PNMA8B: variants seen among roughly 807,000 people sequenced by gnomAD.
PNMA8B encodes the protein paraneoplastic antigen-like protein 8B.
For missense variants in PNMA8B, 887 were observed against 885.8 expected, an observed-to-expected ratio of 1.00 and a Z score of -0.02; for synonymous variants, 386 against 394.9, an observed-to-expected ratio of 0.98 and a Z score of 0.27.
chr19:46,494,951 C>G lies in PNMA8B; in HGVS notation c.515G>C (p.Arg172Thr). ...RGRRNRTRRNRLTQKGKKRSR... is the reference protein window; with the variant it reads ...RGRRNRTRRNTLTQKGKKRSR... ...TCTCTTCTTGCCCTTCTGGGTCAAC[C>G]TGTTGCGTCTGGTTCTGTTTCTGCG... Residue 172 changes from arginine to threonine, a missense_variant, in exon 1 of 1, where the codon AGG becomes ACG. Coordinates refer to ENST00000599531, the MANE Select transcript of PNMA8B (RefSeq NM_020709.3). 3.0e-5 allele frequency: 49 copies of G among 1,609,830 alleles called. No individual in the cohort carries two copies. Among genetic ancestry groups the G allele is most frequent in the Non-Finnish European group, 4.2e-5 (49 of 1,179,822 alleles).
In PNMA8B at chr19:46,495,457, C is replaced by T. The variant is rs1034337062; in HGVS notation, c.9G>A (p.Met3Ile). 4 of 1,600,214 alleles carry T rather than the reference C, an allele frequency of 2.5e-6. No individual in the cohort carries two copies. The highest frequency in any genetic ancestry group is 3.4e-6 in the Non-Finnish European group (4 of 1,169,708). Residue 3 changes from methionine (M) to isoleucine (I), a missense_variant, in exon 1 of 1, where the codon ATG (methionine) becomes ATA (isoleucine). Physicochemically the swap from Met to Ile is conservative, Grantham distance 10. Transcript: ENST00000599531. ...TCCGGCACCAGTCCTGCAAAAGGCT[C>T]ATGGCCATGGTGCAGCCCCCTTGGC... MA[M>I]SLLQDWCRSL...
Position 46,494,842 on chromosome 19 carries a change from C to G in PNMA8B, c.624G>C (p.Glu208Asp). The part of the protein sequence containing the change: ...SDESLGIVIE[E>D]IDQGDLSGEE... ...CTCCGCTCAGGTCGCCCTGGTCGAT[C>G]TCCTCGATCACGATGCCCAGGCTCT... The change falls in exon 1 of 1, where the codon GAG (glutamate) becomes GAC (aspartate). Residue 208 changes from glutamate (E) to aspartate (D), a missense_variant. By Grantham distance (45) the Glu-to-Asp change is conservative (BLOSUM62 2). Transcript: ENST00000599531. 6.2e-7 allele frequency: 1 copy of G among 1,613,420 alleles called. No individual in the cohort carries two copies. The highest frequency in any genetic ancestry group is 8.5e-7 in the Non-Finnish European group (1 of 1,179,894).
Position 46,495,401 on chromosome 19 carries a change from A to G in PNMA8B, c.65T>C (p.Leu22Pro). 7.0e-7 allele frequency: 1 copy of G among 1,422,022 alleles called. No homozygotes were observed. 88.1% of individuals were successfully genotyped at this position (1,422,022 alleles called of 1,614,324 possible). A position where few individuals can be genotyped will look rare whatever the true frequency, so the allele number is the denominator to read the frequency against. The change falls in exon 1 of 1, where the codon CTG becomes CCG. Residue 22 changes from leucine to proline, a missense_variant. By Grantham distance (98) the Leu-to-Pro change is moderately conservative. Coordinates refer to ENST00000599531, the MANE Select transcript of PNMA8B (RefSeq NM_020709.3). ...SLDVDAHRAL[L>P]VTGIPEGLEQ... is the part of the protein sequence containing the mutation. ...CAGGCCCTCCGGGATGCCGGTGACC[A>G]GCAGGGCCCTGTGCGCGTCCACGTC...
In PNMA8B at chr19:46,491,210, A is replaced by C. The variant is rs1363891581; in HGVS notation, c.*2348T>G. On this transcript the variant is annotated 3_prime_UTR_variant, in exon 1 of 1. Coordinates refer to ENST00000599531, the MANE Select transcript of PNMA8B (RefSeq NM_020709.3). ...ACTGAGGACATGCATGTGTATTTTT[A>C]TTTAATCTTAATTACATTTAAATCC... The C allele has an allele frequency of 2.6e-5, 4 of 152,214 alleles. No homozygotes were observed. The highest frequency in any genetic ancestry group is 9.6e-5 in the African/African-American group (4 of 41,458). The allele number at this position is 152,214 out of a possible 1,614,324, so 9.4% of individuals were successfully genotyped here.
Position 46,495,534 on chromosome 19 carries a change from G to A in PNMA8B, c.-69C>T. On this transcript the variant is annotated 5_prime_UTR_variant, in exon 1 of 1. Transcript: ENST00000599531. ...GAGATAGGGGTGGGCTGCAGCGCAC[G>A]GTGTCAATGCAACCCTAGAAAGCCA... The A allele has an allele frequency of 8.6e-6, 13 of 1,510,486 alleles. 1 individual carries two copies. The South Asian group carries it at 1.7e-4, about 20-fold the overall frequency. 93.6% of individuals were successfully genotyped at this position (1,510,486 alleles called of 1,614,324 possible). A position where few individuals can be genotyped will look rare whatever the true frequency, so the allele number is the denominator to read the frequency against.
Position 46,495,030 on chromosome 19 carries a change from G to C in PNMA8B, c.436C>G (p.Gln146Glu), listed in dbSNP as rs1462695608. The C allele has an allele frequency of 6.2e-7, 1 of 1,610,110 alleles. No homozygotes were observed. The highest frequency in any genetic ancestry group is 2.2e-5 in the East Asian group (1 of 44,868). Residue 146 changes from glutamine (Q) to glutamate (E), a missense_variant, in exon 1 of 1, where the codon CAG becomes GAG. Transcript: ENST00000599531. ...QAQDSGEVTG[Q>E]AGSLLGAARN... is the part of the protein sequence containing the mutation. ...GCTGCCCCAAGAAGCGAGCCAGCCTGCCCTGTTACCTCCCCAGAATCCTGG... is the reference window on the plus strand; with the variant it reads ...GCTGCCCCAAGAAGCGAGCCAGCCTCCCCTGTTACCTCCCCAGAATCCTGG...
rs1288766251 is a variant in PNMA8B, at chr19:46,492,608, C to CT, written c.*949dup. The CT allele has an allele frequency of 6.5e-6, 1 of 152,730 alleles. No individual in the cohort carries two copies. The highest frequency in any genetic ancestry group is 1.5e-5 in the Non-Finnish European group (1 of 68,436). 9.5% of individuals were successfully genotyped at this position (152,730 alleles called of 1,614,324 possible). ...GGGGTGAACCCAGGGACTTTCAAGTCTTTTAGTAAGGGCTGCAAGGCCAGC... is the reference window on the plus strand; with the variant it reads ...GGGGTGAACCCAGGGACTTTCAAGTCTTTTTAGTAAGGGCTGCAAGGCCAGC... On this transcript the variant is annotated 3_prime_UTR_variant, in exon 1 of 1. Transcript: ENST00000599531.
rs1377979368 is a variant in PNMA8B at position 46,495,356 on chromosome 19, G to T, written c.110C>A (p.Ala37Asp). 7.8e-7 allele frequency: 1 copy of T among 1,287,392 alleles called. No homozygotes were observed. The highest frequency in any genetic ancestry group is 2.3e-5 in the East Asian group (1 of 43,426). The allele number at this position is 1,287,392 out of a possible 1,614,324, so 79.7% of individuals were successfully genotyped here. The change falls in exon 1 of 1, where the codon GCC becomes GAC. Residue 37 changes from alanine to aspartate, a missense_variant. Ala to Asp is a moderately radical substitution (Grantham distance 126). Coordinates refer to ENST00000599531, the MANE Select transcript of PNMA8B (RefSeq NM_020709.3). ...PEGLEQADVE[A>D]VLQPTLLPLG... ...GGGCAGGAGGGTCGGCTGCAGGACG[G>T]CTTCGACGTCTGCCTGCTCCAGGCC...
rs766440791 is a variant in PNMA8B at position 46,495,473 on chromosome 19, C to G, written c.-8G>C. 1.3e-6 allele frequency: 2 copies of G among 1,591,412 alleles called. No individual in the cohort carries two copies. Among genetic ancestry groups the G allele is most frequent in the East Asian group, 2.2e-5 (1 of 44,452 alleles). ...CAAAAGGCTCATGGCCATGGTGCAG[C>G]CCCCTTGGCGCTGATCTTGGGGCAG... On this transcript the variant is annotated 5_prime_UTR_variant, in exon 1 of 1. Coordinates refer to ENST00000599531, the MANE Select transcript of PNMA8B (RefSeq NM_020709.3).
At position 46,493,784 on chromosome 19, in the gene PNMA8B, C is replaced by A. The variant is rs1970043844; in HGVS notation, c.1682G>T (p.Arg561Leu). 3 of 1,366,046 alleles carry A rather than the reference C, an allele frequency of 2.2e-6. No homozygotes were observed. In the East Asian group the frequency reaches 8.9e-5, roughly 41 times the overall value. 84.6% of individuals were successfully genotyped at this position (1,366,046 alleles called of 1,614,324 possible). A position where few individuals can be genotyped will look rare whatever the true frequency, so the allele number is the denominator to read the frequency against. Residue 561 changes from arginine (R) to leucine (L), a missense_variant, in exon 1 of 1, where the codon CGC becomes CTC. Physicochemically the swap from Arg to Leu is moderately radical, Grantham distance 102 (BLOSUM62 -2). Transcript: ENST00000599531. This position sits in a 1 kb window ranked among gnomAD's most constrained non-coding sequence, Gnocchi z 5.3. ...CCGGCCTCGGCCTCGGCCGCCCGCG[C>A]GGGTTTTGCGGGCCCCGGAAGCGGT... is the stretch of plus-strand genomic sequence containing the variant. ...PPTASGARKT[R>L]AGGRGRGRGV...
Position 46,494,665 on chromosome 19 carries a change from CTCTTCTT to C in PNMA8B, c.794_800del (p.Lys265ArgfsTer14). ...CGGCCCCAGCTGGCTCCTTCTCTGC[CTCTTCTT>C]TCTTCGATTTGTCGGTGACGGTGAC... is the stretch of plus-strand genomic sequence containing the variant. On this transcript the variant is annotated frameshift_variant, in exon 1 of 1. Transcript: ENST00000599531. LOFTEE classifies it low-confidence loss of function (END_TRUNC). The C allele has an allele frequency of 6.2e-7, 1 of 1,614,028 alleles. No individual in the cohort carries two copies. The highest frequency in any genetic ancestry group is 8.5e-7 in the Non-Finnish European group (1 of 1,179,896).
At position 46,494,722 on chromosome 19, in the gene PNMA8B, G is replaced by A; in HGVS notation, c.744C>T (p.Asp248=). 1 of 1,613,982 alleles carries A rather than the reference G, an allele frequency of 6.2e-7. No homozygotes were observed. The highest frequency in any genetic ancestry group is 8.5e-7 in the Non-Finnish European group (1 of 1,179,888). Residue 248 remains aspartate, a synonymous_variant, in exon 1 of 1, where the codon GAC becomes GAT. Transcript: ENST00000599531. ...WAPCNSEGEE[D]GPREFLALVT... is the part of the protein sequence containing the mutation. The stretch of plus-strand genomic sequence containing the variant: ...CCAGAGCCAAGAACTCGCGGGGACC[G>A]TCTTCTTCCCCCTCGGAGTTGCAGG...
At position 46,494,812 on chromosome 19, in the gene PNMA8B, C is replaced by T. The variant is rs751337008; in HGVS notation, c.654G>A (p.Glu218=). 6 of 1,613,534 alleles carry T rather than the reference C, an allele frequency of 3.7e-6. No homozygotes were observed. Among genetic ancestry groups the T allele is most frequent in the Non-Finnish European group, 5.1e-6 (6 of 1,179,848 alleles). The change falls in exon 1 of 1, where the codon GAG becomes GAA. Residue 218 remains glutamate, a synonymous_variant. Coordinates refer to ENST00000599531, the MANE Select transcript of PNMA8B (RefSeq NM_020709.3). ...EIDQGDLSGE[E]DQSALYATLQ... The stretch of plus-strand genomic sequence containing the variant: ...GCGTGGCGTACAGCGCGCTCTGGTC[C>T]TCTTCTCCGCTCAGGTCGCCCTGGT...
chr19:46,494,180 T>G lies in PNMA8B; in HGVS notation c.1286A>C (p.Lys429Thr), dbSNP rs901428062. The G allele has an allele frequency of 3.7e-6, 6 of 1,609,756 alleles. No individual in the cohort carries two copies. The African/African-American group carries it at 8.0e-5, about 21-fold the overall frequency. The change falls in exon 1 of 1, where the codon AAG (lysine) becomes ACG (threonine). Residue 429 changes from lysine to threonine, a missense_variant. Coordinates refer to ENST00000599531, the MANE Select transcript of PNMA8B (RefSeq NM_020709.3). ...GCCCCCGAAGAGGCCACGCCCAGCCTTCTTCGCCTGGGGAGGGAGATCCGG... is the reference window on the plus strand; with the variant it reads ...GCCCCCGAAGAGGCCACGCCCAGCCGTCTTCGCCTGGGGAGGGAGATCCGG... ...AQPDLPPQAKKAGRGLFGGWS... is the reference protein window; with the variant it reads ...AQPDLPPQAKTAGRGLFGGWS...
chr19:46,494,005 T>C lies in PNMA8B; in HGVS notation c.1461A>G (p.Val487=), dbSNP rs982195629. The C allele has an allele frequency of 6.2e-7, 1 of 1,613,478 alleles. No homozygotes were observed. The highest frequency in any genetic ancestry group is 2.2e-5 in the East Asian group (1 of 44,840). The change falls in exon 1 of 1, where the codon GTA becomes GTG. Residue 487 remains valine, a synonymous_variant. Transcript: ENST00000599531. Reference sequence around the variant, plus strand: ...TCTCCCGGGCGGCCAGGAGCGCCAATACCTCCCCCAGTTTGCCTTTGGGGT... The same window carrying C: ...TCTCCCGGGCGGCCAGGAGCGCCAACACCTCCCCCAGTTTGCCTTTGGGGT... ...YKYPKGKLGE[V]LALLAARENM...
Position 46,493,485 on chromosome 19 carries a change from GA to G in PNMA8B, c.*72del. ...TGCGGAGGACAGGAAGAGGGGAGGG[GA>G]GGGCGGGGGCCACAGGCGGGCGGGT... On this transcript the variant is annotated 3_prime_UTR_variant, in exon 1 of 1. Transcript: ENST00000599531. This position sits in a 1 kb window ranked among gnomAD's most constrained non-coding sequence, Gnocchi z 5.3. 1 of 946,056 alleles carries G rather than the reference GA, an allele frequency of 1.1e-6. No individual in the cohort carries two copies. The highest frequency in any genetic ancestry group is 1.4e-6 in the Non-Finnish European group (1 of 710,904). The allele number at this position is 946,056 out of a possible 1,614,324, so 58.6% of individuals were successfully genotyped here.
rs913751532 is a variant in PNMA8B, at chr19:46,493,759, C to T, written c.1707G>A (p.Arg569=). The change falls in exon 1 of 1, where the codon CGG becomes CGA. Residue 569 remains arginine, a synonymous_variant. Transcript: ENST00000599531. This position sits in a 1 kb window ranked among gnomAD's most constrained non-coding sequence, Gnocchi z 5.3. ...KTRAGGRGRG[R]GVTPEKKAGS... Reference sequence around the variant, plus strand: ...CGGCTTTCTTCTCGGGAGTGACGCCCCGGCCTCGGCCTCGGCCGCCCGCGC... The same window carrying T: ...CGGCTTTCTTCTCGGGAGTGACGCCTCGGCCTCGGCCTCGGCCGCCCGCGC... 5 of 1,408,456 alleles carry T rather than the reference C, an allele frequency of 3.5e-6. No homozygotes were observed. The highest frequency in any genetic ancestry group is 4.6e-6 in the Non-Finnish European group (5 of 1,085,652). 87.2% of individuals were successfully genotyped at this position (1,408,456 alleles called of 1,614,324 possible).
chr19:46,495,033 C>T lies in PNMA8B; in HGVS notation c.433G>A (p.Gly145Arg), dbSNP rs148479589. The T allele has an allele frequency of 0.013, 20,987 of 1,610,232 alleles. 246 individuals carry two copies. Among genetic ancestry groups the T allele is most frequent in the Non-Finnish European group, 0.013 (14,953 of 1,179,844 alleles). ...GCCCCAAGAAGCGAGCCAGCCTGCC[C>T]TGTTACCTCCCCAGAATCCTGGGCC... ...TQAQDSGEVTGQAGSLLGAAR... is the reference protein window; with the variant it reads ...TQAQDSGEVTRQAGSLLGAAR... Residue 145 changes from glycine (G) to arginine (R), a missense_variant, in exon 1 of 1, where the codon GGG becomes AGG. Coordinates refer to ENST00000599531, the MANE Select transcript of PNMA8B (RefSeq NM_020709.3).
chr19:46,494,362 C>T lies in PNMA8B; in HGVS notation c.1104G>A (p.Lys368=). The change falls in exon 1 of 1, where the codon AAG becomes AAA. Residue 368 remains lysine (K), a synonymous_variant. Coordinates refer to ENST00000599531, the MANE Select transcript of PNMA8B (RefSeq NM_020709.3). ...ACAAGACCTGTCGGAGGGGGTCTCG[C>T]TTGTCTTTCTCGTCGCTCCAGCCCA... ...ESLGWSDEKD[K]RDPLRQVLSV... 6.2e-7 allele frequency: 1 copy of T among 1,613,280 alleles called. No homozygotes were observed. The highest frequency in any genetic ancestry group is 8.5e-7 in the Non-Finnish European group (1 of 1,179,898).
Sources: gnomAD v4.1 joint callset for allele counts on GRCh38, gnomAD v4.1.1 for gene constraint, Gnocchi (gnomAD v3.1) non-coding constraint, MANE v1.5 for transcripts, NCBI Gene and HGNC (gene_info 2026-07-23, HGNC 2026-07-21) for gene names.